The following COPB1 variants were observed in gnomAD, a reference collection of about 807,000 sequenced individuals.
The protein encoded by COPB1 is coat protein complex I subunit beta 1, also known as coatomer subunit beta.
A neutral mutation model predicts 108.7 loss-of-function variants in COPB1; 21 were observed. The observed-to-expected ratio is 0.19, with a 90% confidence interval of 0.14 to 0.28. The LOEUF is 0.28. Ranked by LOEUF, COPB1 falls within the 10% of genes least tolerant of loss-of-function variation. COPB1 has a pLI of 1.00. For synonymous variants in COPB1, 378 were observed against 386.8 expected, an observed-to-expected ratio of 0.98 and a Z score of 0.27; for missense variants, 919 against 1,141.3, an observed-to-expected ratio of 0.81 and a Z score of 2.81.
intron 14 of COPB1, among the ~76,000 whole-genome samples, chr11:14,471,976 T>G (rs746451956): frequency 1.3e-5 from 2 of 152,100 alleles, no homozygotes; most frequent in African/African-American, 4.8e-5. Context: ...GAAGGAAATA[T>G]GAGTGATGTG....
chr11:14,486,791 T>A (rs868138263), intron 6 of COPB1, among the ~76,000 whole-genome samples: 47 of 152,312 alleles, frequency 3.1e-4, no homozygotes, highest in African/African-American at 1.1e-3. Context: ...TGCACTTATT[T>A]ATTCATCCCA....
At chr11:14,473,134 C>T (rs2134105283) in intron 14 of COPB1, among the ~76,000 whole-genome samples, 1 of 152,140 alleles carries the variant, frequency 6.6e-6, no homozygotes, top group South Asian at 2.1e-4. Flanking sequence ...GCCACCACAC[C>T]TGGCTAATTT....
intron 19 of COPB1, 96 bp downstream of exon 19, chr11:14,461,088 AAC>A: frequency 6.8e-7 from 1 of 1,468,202 alleles, no homozygotes; most frequent in African/African-American, 1.4e-5. Context: ...TTTCATGTTA[AAC>A]ACTTTTTAGC....
At chr11:14,468,912 T>G in intron 15 of COPB1, 52 bp from the exon 16 acceptor site, 1 of 1,503,702 alleles carries the variant, frequency 6.7e-7, no homozygotes, top group Non-Finnish European at 9.1e-7. Context: ...GATAGTTTTT[T>G]AGAGGCTTTT....
chr11:14,465,403 G>C (rs1350854293), intron 17 of COPB1, among the ~76,000 whole-genome samples: 1 of 152,046 alleles, frequency 6.6e-6, no homozygotes, highest in African/African-American at 2.4e-5. Flanking sequence ...CATGATCATA[G>C]CTCACTACAG....
Position 14,460,199 on chromosome 11 carries a change from A to C in COPB1, c.2646+9T>G. The C allele has an allele frequency of 6.3e-7, 1 of 1,575,966 alleles. No individual in the cohort carries two copies. Among genetic ancestry groups the C allele is most frequent in the South Asian group, 1.1e-5 (1 of 89,306 alleles). ...CATCAGATTTCTGAATTTCCTAGTC[A>C]AATTTTACCTTTTCTGGAGTCAGGC... On this transcript the variant is annotated intron_variant, in intron 20 of 21. Transcript: ENST00000439561.
At chr11:14,495,741 A>G (rs1000076605) in intron 2 of COPB1, among the ~76,000 whole-genome samples, 4 of 152,208 alleles carry the variant, frequency 2.6e-5, no homozygotes, top group African/African-American at 9.7e-5. Flanking sequence ...AAGGTAGCTA[A>G]GGCAGCTTCA....
At chr11:14,486,063 T>C (rs1342193134) in intron 7 of COPB1, among the ~76,000 whole-genome samples, 2 of 152,132 alleles carry the variant, frequency 1.3e-5, no homozygotes, top group Non-Finnish European at 2.9e-5. Flanking sequence ...TTAGTCTTGC[T>C]GTCTCAGGAG....
intron 14 of COPB1, among the ~76,000 whole-genome samples, chr11:14,472,488 A>G (rs1015782379): frequency 2.6e-5 from 4 of 152,230 alleles, no homozygotes; most frequent in African/African-American, 7.2e-5. Flanking sequence ...GAAATGAGCA[A>G]TGGCTTCAAC....
At chr11:14,469,169 AT>A (rs377609093) in intron 15 of COPB1, among the ~76,000 whole-genome samples, 166 bp downstream of exon 15, 19 of 151,554 alleles carry the variant, frequency 1.3e-4, no homozygotes, top group Non-Finnish European at 4.4e-5. Context: ...TAATTTTCTC[AT>A]TTTTTTTGTT....
In COPB1 at chr11:14,479,724, A is replaced by C; in HGVS notation, c.1213-10T>G. On this transcript the variant is annotated splice_polypyrimidine_tract_variant and intron_variant, in intron 10 of 21. Transcript: ENST00000439561. ...TGAGAAATTCCATTAACTAAAAGAA[A>C]AAAAAAAAAAAGAAAATGGAACTAA... 1 of 1,517,188 alleles carries C rather than the reference A, an allele frequency of 6.6e-7. No homozygotes were observed. The allele number at this position is 1,517,188 out of a possible 1,614,324, so 94.0% of individuals were successfully genotyped here.
intron 20 of COPB1, 103 bp from the exon 21 acceptor site, chr11:14,458,790 G>A: frequency 9.6e-7 from 1 of 1,040,348 alleles, no homozygotes; most frequent in Non-Finnish European, 1.4e-6. Flanking sequence ...TTGAGACAGA[G>A]TCTCACTCTG....
chr11:14,477,740 CA>C (rs1850559433), intron 11 of COPB1, among the ~76,000 whole-genome samples: 6 of 151,470 alleles, frequency 4.0e-5, no homozygotes, highest in Admixed American at 2.0e-4. Flanking sequence ...ACTGAAAATA[CA>C]AAAAAAATTT....
intron 14 of COPB1, among the ~76,000 whole-genome samples, chr11:14,471,618 C>T (rs1850404247): frequency 6.6e-6 from 1 of 151,906 alleles, no homozygotes; most frequent in Admixed American, 6.6e-5. Context: ...GGAATTAAAA[C>T]AAAAACAAAA....
chr11:14,468,518 T>C (rs577035128), intron 16 of COPB1, among the ~76,000 whole-genome samples, 163 bp downstream of exon 16: 2 of 152,230 alleles, frequency 1.3e-5, no homozygotes, highest in Non-Finnish European at 2.9e-5. Context: ...CTATCACATA[T>C]AGTAGTAAGG....
chr11:14,470,944 A>ACTCTCTCT (rs1162965849), intron 14 of COPB1, among the ~76,000 whole-genome samples: 3 of 90,154 alleles, frequency 3.3e-5, no homozygotes, highest in African/African-American at 1.6e-4. Context: ...ACACACACAC[A>ACTCTCTCT]CTCTCTCTCT....
At chr11:14,495,147 T>C (rs1381459854) in intron 2 of COPB1, among the ~76,000 whole-genome samples, 1 of 152,232 alleles carries the variant, frequency 6.6e-6, no homozygotes, top group Non-Finnish European at 1.5e-5. Flanking sequence ...TAAAGTATTT[T>C]ACGCAAAACT....
intron 7 of COPB1, among the ~76,000 whole-genome samples, chr11:14,484,083 T>C (rs1263034563): frequency 6.6e-6 from 1 of 152,218 alleles, no homozygotes; most frequent in Non-Finnish European, 1.5e-5. Context: ...TTTCCAAAAA[T>C]GTACAACCTC....
In COPB1 at chr11:14,487,108, T is replaced by C. The variant is rs550890338; in HGVS notation, c.700-604A>G. ...CTACTACTTATTATTTGAGACTATA[T>C]TCAACATTGGAGAGAAAACTAAAAA... On this transcript the variant is annotated intron_variant, in intron 6 of 21. Coordinates refer to ENST00000439561, the MANE Select transcript of COPB1 (RefSeq NM_001144061.2). Among the ~76,000 whole-genome samples, 391 of 152,348 alleles carry C rather than the reference T, an allele frequency of 2.6e-3. 1 individual carries two copies. Among genetic ancestry groups the C allele is most frequent in the Non-Finnish European group, 3.8e-3 (256 of 68,034 alleles).
Sources: gnomAD v4.1 joint callset for allele counts (sites outside exome capture counted in the v4.1 genomes callset) on GRCh38, gnomAD v4.1.1 for gene constraint, MANE v1.5 for transcripts, NCBI Gene and HGNC (gene_info 2026-07-23, HGNC 2026-07-21) for gene names.